Variants in LGSN observed in about 807,000 individuals in gnomAD.
LGSN encodes the protein lengsin, lens protein with glutamine synthetase domain.
Under a neutral mutation model 19.5 loss-of-function variants are expected in LGSN, and 21 were observed. The ratio of observed to expected loss-of-function variants is 1.07; its 90% CI spans 0.76 to 1.55. LGSN has a LOEUF of 1.55. Ranked by LOEUF, LGSN falls within the 40% of genes most tolerant of loss-of-function variation. The pLI is 0.00. For missense variants in LGSN, 673 were observed against 608.5 expected, an observed-to-expected ratio of 1.11 and a Z score of -1.12; for synonymous variants, 257 against 215.6, an observed-to-expected ratio of 1.19 and a Z score of -1.68.
chr6:63,499,865 TAA>T, the LGSN span, among the ~76,000 whole-genome samples: 1 of 151,256 alleles, frequency 6.6e-6, no homozygotes, highest in African/African-American at 2.5e-5. Context: ...CAATTTACAT[TAA>T]GTCTAGGAGT....
the LGSN span, among the ~76,000 whole-genome samples, chr6:63,389,416 C>T: frequency 2.0e-5 from 3 of 152,210 alleles, no homozygotes; most frequent in Non-Finnish European, 4.4e-5. Context: ...TACACTCAGT[C>T]TAGAACATGT....
the LGSN span, among the ~76,000 whole-genome samples, chr6:63,353,602 A>AG: frequency 2.0e-5 from 3 of 149,884 alleles, no homozygotes; most frequent in South Asian, 2.1e-4. Flanking sequence ...AAAAAAAAAA[A>AG]AAAAAGAAAA....
chr6:63,552,075 G>A, the LGSN span, among the ~76,000 whole-genome samples: 1 of 152,166 alleles, frequency 6.6e-6, no homozygotes, highest in African/African-American at 2.4e-5. Flanking sequence ...GGATGGCTGG[G>A]TCAAATGGTA....
chr6:63,302,763 A>T (rs1768234100), intron 1 of LGSN, among the ~76,000 whole-genome samples: 1 of 152,184 alleles, frequency 6.6e-6, no homozygotes, highest in South Asian at 2.1e-4. Flanking sequence ...TTCATTGTCG[A>T]GTGTGGACTC....
chr6:63,319,835 C>T (rs943868591), intron 1 of LGSN, 79 bp downstream of exon 1: 3 of 963,730 alleles, frequency 3.1e-6, no homozygotes, highest in Middle Eastern at 2.2e-4. Context: ...TTCTTACTGG[C>T]ATTCAAATAA....
chr6:63,483,293 T>C, the LGSN span, among the ~76,000 whole-genome samples: 4 of 152,136 alleles, frequency 2.6e-5, no homozygotes, highest in Non-Finnish European at 5.9e-5. Context: ...ATTCTTTTCA[T>C]CTCATTGTTC....
Position 63,280,512 on chromosome 6 carries a change from C to T in LGSN, c.1039G>A (p.Gly347Arg). The T allele has an allele frequency of 6.2e-7, 1 of 1,614,106 alleles. No homozygotes were observed. Among genetic ancestry groups the T allele is most frequent in the Non-Finnish European group, 8.5e-7 (1 of 1,180,030 alleles). The change falls in exon 4 of 4, where the codon GGA (glycine) becomes AGA (arginine). Residue 347 changes from glycine to arginine, a missense_variant. Transcript: ENST00000370657. ...AGCGCAGCAGAGTGCTTCAAGAGTCCTGCCAACCATTTTTTCCCAGTGATC... is the reference window on the plus strand; with the variant it reads ...AGCGCAGCAGAGTGCTTCAAGAGTCTTGCCAACCATTTTTTCCCAGTGATC... ...LTITGKKWLA[G>R]LLKHSAALSC...
At chr6:63,506,615 G>T in the LGSN span, among the ~76,000 whole-genome samples, 2 of 152,080 alleles carry the variant, frequency 1.3e-5, no homozygotes, top group Non-Finnish European at 2.9e-5. Context: ...TCACAAACAG[G>T]TTTCTATCTC....
the LGSN span, among the ~76,000 whole-genome samples, chr6:63,566,697 A>G: frequency 6.6e-6 from 1 of 152,188 alleles, no homozygotes. Context: ...TAGTTGCTGA[A>G]GGTTAAGGTG....
the LGSN span, among the ~76,000 whole-genome samples, chr6:63,510,744 G>C: frequency 6.8e-6 from 1 of 147,382 alleles, no homozygotes; most frequent in Non-Finnish European, 1.5e-5. Context: ...CACAATCTCG[G>C]CTCACTGTAA....
chr6:63,446,307 G>T, the LGSN span, among the ~76,000 whole-genome samples: 2 of 148,904 alleles, frequency 1.3e-5, no homozygotes, highest in Non-Finnish European at 3.0e-5. Flanking sequence ...CTCACTGACT[G>T]GATTGCCTCC....
chr6:63,457,817 T>G, the LGSN span, among the ~76,000 whole-genome samples: 3 of 152,052 alleles, frequency 2.0e-5, no homozygotes, highest in Non-Finnish European at 2.9e-5. Context: ...AGGCACAGGT[T>G]GCAGTGAGCT....
the LGSN span, among the ~76,000 whole-genome samples, chr6:63,401,712 C>T: frequency 6.6e-6 from 1 of 152,132 alleles, no homozygotes; most frequent in Non-Finnish European, 1.5e-5. Context: ...AAGTCTTTCA[C>T]CTTTGGCCTA....
chr6:63,307,165 A>T (rs1387334157), intron 1 of LGSN, among the ~76,000 whole-genome samples: 1 of 152,074 alleles, frequency 6.6e-6, no homozygotes, highest in Non-Finnish European at 1.5e-5. Context: ...TATGTGCTAG[A>T]TCTCTTCTAA....
the LGSN span, among the ~76,000 whole-genome samples, chr6:63,350,904 T>C: frequency 6.6e-6 from 1 of 151,038 alleles, no homozygotes; most frequent in African/African-American, 2.4e-5. Context: ...AGTAAAACAA[T>C]TGGTTTTTTA....
chr6:63,335,211 G>C, the LGSN span, among the ~76,000 whole-genome samples: 1 of 151,224 alleles, frequency 6.6e-6, no homozygotes, highest in Non-Finnish European at 1.5e-5. Context: ...GGGAAAACTG[G>C]ATGACTGTAT....
At chr6:63,507,216 A>C in the LGSN span, among the ~76,000 whole-genome samples, 1 of 152,156 alleles carries the variant, frequency 6.6e-6, no homozygotes, top group African/African-American at 2.4e-5. Context: ...ACTTTCCACT[A>C]TCGCTAATGT....
At chr6:63,434,635 A>G in the LGSN span, among the ~76,000 whole-genome samples, 5 of 151,652 alleles carry the variant, frequency 3.3e-5, no homozygotes, top group African/African-American at 1.2e-4. Context: ...GAAAGAAAGA[A>G]AGAAGTTATG....
chr6:63,517,186 T>G, the LGSN span, among the ~76,000 whole-genome samples: 1 of 152,278 alleles, frequency 6.6e-6, no homozygotes, highest in South Asian at 2.1e-4. Context: ...ATGGTCTAAC[T>G]ATTCAGAAAA....
Sources: allele counts gnomAD v4.1 joint callset (sites outside exome capture counted in the v4.1 genomes callset), GRCh38; gene constraint gnomAD v4.1.1; transcripts MANE v1.5; gene names NCBI Gene and HGNC (gene_info 2026-07-23, HGNC 2026-07-21).